Variants in OSBPL1A observed in about 807,000 individuals in gnomAD.
OSBPL1A encodes the protein oxysterol-binding protein-related protein 1.
OSBPL1A carries 80 observed loss-of-function variants against 137.1 expected under a neutral mutation model. That is an observed-to-expected ratio of 0.58 (90% CI 0.49 to 0.70). OSBPL1A has a LOEUF of 0.70. OSBPL1A is among the 30% of genes least tolerant of loss of function. The pLI is 0.00. For missense variants in OSBPL1A, 970 were observed against 1,129.4 expected (o/e 0.86, Z 2.02); for synonymous variants, 365 against 389.7 (o/e 0.94, Z 0.75).
At chr18:24,178,789 A>G (rs2086521664) in intron 20 of OSBPL1A, among the ~76,000 whole-genome samples, 2 of 152,228 alleles carry the variant, frequency 1.3e-5, no homozygotes, top group Non-Finnish European at 2.9e-5. Context: ...CTTTTACATT[A>G]GAGAAATCTA....
intron 2 of OSBPL1A, among the ~76,000 whole-genome samples, chr18:24,371,537 T>C (rs1905637544): frequency 6.6e-6 from 1 of 152,138 alleles, no homozygotes; most frequent in Non-Finnish European, 1.5e-5. Context: ...CAGGCCCTCC[T>C]TTTTTGCCTG....
rs78254519 is a variant in OSBPL1A, at chr18:24,315,202, A to G, written c.871-855T>C. On this transcript the variant is annotated intron_variant, in intron 11 of 27. Coordinates refer to ENST00000319481, the MANE Select transcript of OSBPL1A (RefSeq NM_080597.4). ...GCACCTGGGACTAAGCACAGTCCAC[A>G]TGGTGACAGGACAGCAGCAAGGGCA... Among the ~76,000 whole-genome samples the G allele has an allele frequency of 5.6e-3, 856 of 152,302 alleles. 6 individuals carry two copies. The highest frequency in any genetic ancestry group is 0.02 in the African/African-American group (822 of 41,566).
intron 16 of OSBPL1A, among the ~76,000 whole-genome samples, chr18:24,228,972 G>A (rs2088182152): frequency 6.6e-6 from 1 of 152,150 alleles, no homozygotes; most frequent in Non-Finnish European, 1.5e-5. Flanking sequence ...AGGCTGAGGT[G>A]GGTGTATCAC....
chr18:24,367,956 CATTA>C (rs1905278279), intron 3 of OSBPL1A: 1 of 169,734 alleles, frequency 5.9e-6, no homozygotes, highest in African/African-American at 2.4e-5. Context: ...TGTGTATTGA[CATTA>C]TTTTTTAATT....
chr18:24,325,770 CTGAA>C (rs2090964156), intron 7 of OSBPL1A, among the ~76,000 whole-genome samples: 2 of 152,166 alleles, frequency 1.3e-5, no homozygotes, highest in African/African-American at 4.8e-5. Context: ...CGCAGCATTG[CTGAA>C]TGAATGAATG....
intron 17 of OSBPL1A, among the ~76,000 whole-genome samples, chr18:24,200,770 A>G (rs931762320): frequency 6.6e-5 from 10 of 152,142 alleles, no homozygotes; most frequent in African/African-American, 9.7e-5. Flanking sequence ...CAGACAAAAA[A>G]TAGTCCACAG....
At chr18:24,246,766 G>A (rs2088903277) in intron 15 of OSBPL1A, among the ~76,000 whole-genome samples, 1 of 142,544 alleles carries the variant, frequency 7.0e-6, no homozygotes, top group African/African-American at 2.6e-5. Flanking sequence ...ACTCCATCCT[G>A]GGTAACAGAG....
intron 4 of OSBPL1A, among the ~76,000 whole-genome samples, chr18:24,353,941 T>G (rs9966019): frequency 0.19 from 26,988 of 139,252 alleles, 3,355 homozygotes; most frequent in East Asian, 0.58. Context: ...GGGGGAGGGA[T>G]AGCATTAGGA....
intron 21 of OSBPL1A, among the ~76,000 whole-genome samples, chr18:24,175,714 C>A (rs138990548): frequency 6.6e-6 from 1 of 152,012 alleles, no homozygotes; most frequent in Non-Finnish European, 1.5e-5. Context: ...AGTTCTTTGC[C>A]TAATCCAAAG....
rs1184084212 is a variant in OSBPL1A at position 24,334,233 on chromosome 18, TG to T, written c.480+11del. 3 of 1,592,258 alleles carry T rather than the reference TG, an allele frequency of 1.9e-6. No individual in the cohort carries two copies. Among genetic ancestry groups the T allele is most frequent in the Non-Finnish European group, 2.6e-6 (3 of 1,174,242 alleles). The stretch of plus-strand genomic sequence containing the variant: ...TGCTTTTTGTCTTTTGGGGGTTTTT[TG>T]TTTGTTTTACCAGAGCTGTGAGTTC... On this transcript the variant is annotated intron_variant, in intron 6 of 27. Coordinates refer to ENST00000319481, the MANE Select transcript of OSBPL1A (RefSeq NM_080597.4).
rs1411285443 is a variant in OSBPL1A, at chr18:24,162,217, T to C, written c.*962A>G. ...TAAATACTATAAGATTTAAGATGAA[T>C]GTGCCCCAATTAAAGGGGCAAAACT... On this transcript the variant is annotated 3_prime_UTR_variant, in exon 28 of 28. Coordinates refer to ENST00000319481, the MANE Select transcript of OSBPL1A (RefSeq NM_080597.4). 6.6e-6 allele frequency: 1 copy of C among 152,210 alleles called. No homozygotes were observed. The highest frequency in any genetic ancestry group is 1.9e-4 in the East Asian group (1 of 5,194). 9.4% of individuals were successfully genotyped at this position (152,210 alleles called of 1,614,324 possible).
At chr18:24,366,790 G>A (rs1414967244) in intron 4 of OSBPL1A, 102 bp downstream of exon 4, 3 of 1,157,562 alleles carry the variant, frequency 2.6e-6, no homozygotes, top group African/African-American at 1.6e-5. Flanking sequence ...TTTTTGTGTG[G>A]CTTTCTTCGG....
At chr18:24,341,295 C>T (rs758253361) in intron 5 of OSBPL1A, among the ~76,000 whole-genome samples, 27 of 152,194 alleles carry the variant, frequency 1.8e-4, no homozygotes, top group Non-Finnish European at 2.1e-4. Flanking sequence ...GCGTGAGCCA[C>T]CGCACCCAGC....
At position 24,225,061 on chromosome 18, in the gene OSBPL1A, T is replaced by C. The variant is rs868778987; in HGVS notation, c.1582A>G (p.Asn528Asp). Reference protein sequence around the residue: ...KDCGGGDALSNGIKKHRTSLP... With the variant: ...KDCGGGDALSDGIKKHRTSLP... ...TCCTACCTGTGTTTCTTGATGCCATTGGAGAGAGCATCTCCGCCACCACAG... is the reference window on the plus strand; with the variant it reads ...TCCTACCTGTGTTTCTTGATGCCATCGGAGAGAGCATCTCCGCCACCACAG... Residue 528 changes from asparagine (N) to aspartate (D), a missense_variant, in exon 17 of 28, where the codon AAT becomes GAT. Physicochemically the swap from Asn to Asp is conservative, Grantham distance 23. Transcript: ENST00000319481. 1.9e-6 allele frequency: 3 copies of C among 1,614,078 alleles called. No individual in the cohort carries two copies. The highest frequency in any genetic ancestry group is 2.7e-5 in the African/African-American group (2 of 74,954).
intron 14 of OSBPL1A, among the ~76,000 whole-genome samples, chr18:24,283,323 CACAG>C (rs1331696032): frequency 2.1e-5 from 3 of 140,054 alleles, no homozygotes; most frequent in African/African-American, 7.9e-5. Flanking sequence ...TACACACACA[CACAG>C]ACACACACAC....
intron 11 of OSBPL1A, 73 bp downstream of exon 11, chr18:24,317,075 TA>T: frequency 6.9e-7 from 1 of 1,442,268 alleles, no homozygotes; most frequent in South Asian, 1.2e-5. Flanking sequence ...CAAGGCTGTA[TA>T]AATGATTTGG....
At chr18:24,181,591 T>C (rs1294509623) in intron 18 of OSBPL1A, among the ~76,000 whole-genome samples, 3 of 152,178 alleles carry the variant, frequency 2.0e-5, no homozygotes, top group African/African-American at 7.2e-5. Flanking sequence ...AATTAGGAAA[T>C]GGGAGACAAA....
chr18:24,187,255 TGTTTC>T, intron 18 of OSBPL1A, among the ~76,000 whole-genome samples: 1 of 152,186 alleles, frequency 6.6e-6, no homozygotes, highest in Non-Finnish European at 1.5e-5. Context: ...GGGAAGTTGG[TGTTTC>T]GAGGGGACGG....
At chr18:24,177,367 T>G (rs1230114050) in intron 21 of OSBPL1A, among the ~76,000 whole-genome samples, 2 of 152,250 alleles carry the variant, frequency 1.3e-5, no homozygotes, top group African/African-American at 4.8e-5. Context: ...GCTCTGATTC[T>G]GAGCCAGATT....
Sources: gnomAD v4.1 joint callset for allele counts (sites outside exome capture counted in the v4.1 genomes callset) on GRCh38, gnomAD v4.1.1 for gene constraint, MANE v1.5 for transcripts, NCBI Gene and HGNC (gene_info 2026-07-23, HGNC 2026-07-21) for gene names.